Variants in CPEB3 observed in about 807,000 individuals in gnomAD.
The protein encoded by CPEB3 is cytoplasmic polyadenylation element-binding protein 3.
A neutral mutation model predicts 67.2 loss-of-function variants in CPEB3; 20 were observed. That is an observed-to-expected ratio of 0.30 (90% CI 0.21 to 0.43). The LOEUF is 0.43. Ranked by LOEUF, CPEB3 falls within the 20% of genes least tolerant of loss-of-function variation. The probability of loss-of-function intolerance (pLI) is 1.00; values close to 1 mark genes in which losing one functional copy is unlikely to be tolerated. For synonymous variants in CPEB3, 376 were observed against 393.1 expected, an observed-to-expected ratio of 0.96 and a Z score of 0.51; for missense variants, 746 against 968.6, an observed-to-expected ratio of 0.77 and a Z score of 3.05.
intron 9 of CPEB3, among the ~76,000 whole-genome samples, chr10:92,053,548 T>TC (rs1162933735): frequency 1.4e-5 from 2 of 146,230 alleles, no homozygotes; most frequent in Non-Finnish European, 3.0e-5. Context: ...CTTTTTCTTT[T>TC]TTTTTTTTTT....
At chr10:92,195,046 A>AACACACACACAC (rs371911549) in intron 2 of CPEB3, among the ~76,000 whole-genome samples, 29 of 117,152 alleles carry the variant, frequency 2.5e-4, no homozygotes, top group East Asian at 1.4e-3. Context: ...TGTCTCAAAA[A>AACACACACACAC]ACACACACAC....
intron 6 of CPEB3, among the ~76,000 whole-genome samples, chr10:92,127,916 C>T (rs1288025022): frequency 2.2e-5 from 3 of 135,564 alleles, no homozygotes; most frequent in African/African-American, 1.2e-4. Context: ...CCAATGTGGC[C>T]CCTGGGTTCT....
chr10:92,276,099 C>T (rs1188295582), intron 1 of CPEB3, among the ~76,000 whole-genome samples: 1 of 151,602 alleles, frequency 6.6e-6, no homozygotes, highest in Non-Finnish European at 1.5e-5. Context: ...CCACCCGCCT[C>T]GACCTCCCAA....
intron 8 of CPEB3, among the ~76,000 whole-genome samples, chr10:92,085,592 C>T (rs1201927855): frequency 6.6e-6 from 1 of 152,042 alleles, no homozygotes; most frequent in Non-Finnish European, 1.5e-5. Flanking sequence ...TGGATTTGCT[C>T]CTGATTCTTT....
At chr10:92,240,859 T>TAAAAA (rs984550948) in intron 1 of CPEB3, among the ~76,000 whole-genome samples, 9 of 125,666 alleles carry the variant, frequency 7.2e-5, no homozygotes, top group South Asian at 2.2e-4. Context: ...GAACACTTTT[T>TAAAAA]AAAAAAACAA....
chr10:92,091,675 C>T (rs574810361), intron 8 of CPEB3, among the ~76,000 whole-genome samples, 155 bp downstream of exon 8: 1 of 152,222 alleles, frequency 6.6e-6, no homozygotes, highest in East Asian at 1.9e-4. Context: ...GGGAGAAAAC[C>T]TTTAATCCTG....
At chr10:92,175,992 G>A (rs1233458663) in intron 4 of CPEB3, among the ~76,000 whole-genome samples, 1 of 152,182 alleles carries the variant, frequency 6.6e-6, no homozygotes, top group Admixed American at 6.5e-5. Flanking sequence ...TCGGGAGGCA[G>A]ATTCAGGAGA....
In CPEB3 at chr10:92,192,599, G is replaced by C; in HGVS notation, c.1043C>G (p.Ser348Trp). 1 of 1,612,702 alleles carries C rather than the reference G, an allele frequency of 6.2e-7. No homozygotes were observed. The highest frequency in any genetic ancestry group is 8.5e-7 in the Non-Finnish European group (1 of 1,179,310). The change falls in exon 3 of 10, where the codon TCG (serine) becomes TGG (tryptophan). Residue 348 changes from serine to tryptophan, a missense_variant. This residue lies in a region of CPEB3 where 643 missense variants were observed against 717.5 expected (regional missense o/e 0.90). Transcript: ENST00000265997. ...SRPYDTFNLH[S>W]LENSLMDMIR... ...CATATCCATTAAGGAGTTCTCCAAC[G>C]AGTGCAAGTTAAAAGTATCATAGGG...
intron 1 of CPEB3, among the ~76,000 whole-genome samples, chr10:92,287,787 T>G (rs1309636368): frequency 6.6e-6 from 1 of 152,172 alleles, no homozygotes; most frequent in Non-Finnish European, 1.5e-5. Context: ...GTGATATAAT[T>G]CACAAAATTA....
chr10:92,285,402 C>G (rs1334216080), intron 1 of CPEB3, among the ~76,000 whole-genome samples: 1 of 152,192 alleles, frequency 6.6e-6, no homozygotes, highest in African/African-American at 2.4e-5. Context: ...TCCCGAGTAG[C>G]TGGGATTATA....
chr10:92,253,473 A>C (rs576485131), intron 1 of CPEB3, among the ~76,000 whole-genome samples: 2 of 150,890 alleles, frequency 1.3e-5, no homozygotes, highest in South Asian at 4.1e-4. Context: ...CAAAAAAAAA[A>C]AAAAAAAAAA....
chr10:92,239,658 G>A lies in CPEB3; in HGVS notation c.693C>T (p.Ala231=), dbSNP rs1851723936. Residue 231 remains alanine, a synonymous_variant, in exon 2 of 10, where the codon GCC becomes GCT. Transcript: ENST00000265997. This position sits in a 1 kb window ranked among gnomAD's most constrained non-coding sequence, Gnocchi z 6.0. The part of the protein sequence containing the change: ...SSSSAVAAAA[A]AAAASSASSS... The stretch of plus-strand genomic sequence containing the variant: ...ACGAGGCCGACGAGGCGGCGGCTGC[G>A]GCAGCAGCGGCTGCAACCGCCGAAG... 2 of 1,560,464 alleles carry A rather than the reference G, an allele frequency of 1.3e-6. No individual in the cohort carries two copies. Among genetic ancestry groups the A allele is most frequent in the Non-Finnish European group, 1.7e-6 (2 of 1,154,182 alleles).
intron 2 of CPEB3, among the ~76,000 whole-genome samples, chr10:92,225,024 G>T (rs1244139177): frequency 1.3e-5 from 2 of 149,682 alleles, no homozygotes; most frequent in African/African-American, 4.9e-5. Context: ...CGCCAGGCTG[G>T]AATGCAATGA....
In CPEB3 at chr10:92,059,366, C is replaced by T. The variant is rs960130083; in HGVS notation, c.1870-6927G>A. ...AAAAAGCAAATACAAGGAAATTAAG[C>T]AACATGCTCCTGAATGACCAGTGGG... is the stretch of plus-strand genomic sequence containing the variant. On this transcript the variant is annotated intron_variant, in intron 9 of 9. Transcript: ENST00000265997. Among the ~76,000 whole-genome samples the T allele has an allele frequency of 8.6e-5, 11 of 127,694 alleles. No homozygotes were observed. In the East Asian group the frequency reaches 2.5e-3, roughly 29 times the overall value. 83.8% of individuals were successfully genotyped at this position (127,694 alleles called of 152,430 possible).
intron 2 of CPEB3, among the ~76,000 whole-genome samples, chr10:92,219,808 T>G (rs961971949): frequency 6.6e-6 from 1 of 152,172 alleles, no homozygotes; most frequent in Non-Finnish European, 1.5e-5. Context: ...TTTATTACCT[T>G]CTGATGAGCT....
At chr10:92,146,461 G>A (rs923083164) in intron 4 of CPEB3, among the ~76,000 whole-genome samples, 39 of 151,302 alleles carry the variant, frequency 2.6e-4, no homozygotes, top group Non-Finnish European at 1.3e-4. Flanking sequence ...AAAAAGAGCA[G>A]TGTCTTCCCC....
At chr10:92,193,779 T>TA (rs1849096983) in intron 2 of CPEB3, among the ~76,000 whole-genome samples, 1 of 151,936 alleles carries the variant, frequency 6.6e-6, no homozygotes, top group Admixed American at 6.6e-5. Flanking sequence ...ATGTATTGGA[T>TA]ATCTTTAACA....
At chr10:92,084,707 G>A (rs1843301483) in intron 8 of CPEB3, among the ~76,000 whole-genome samples, 1 of 152,086 alleles carries the variant, frequency 6.6e-6, no homozygotes, top group Admixed American at 6.5e-5. Flanking sequence ...AGCCTCCCGA[G>A]CAGCTGGGAC....
At chr10:92,067,015 C>T (rs1178150184) in intron 9 of CPEB3, among the ~76,000 whole-genome samples, 1 of 151,424 alleles carries the variant, frequency 6.6e-6, no homozygotes, top group Non-Finnish European at 1.5e-5. Context: ...CGCCACTGCA[C>T]TCCAGCCTGG....
Sources: gnomAD v4.1 joint callset for allele counts (sites outside exome capture counted in the v4.1 genomes callset) on GRCh38, gnomAD v4.1.1 for gene constraint, gnomAD v4.1.1 regional missense constraint, Gnocchi (gnomAD v3.1) non-coding constraint, MANE v1.5 for transcripts, NCBI Gene and HGNC (gene_info 2026-07-23, HGNC 2026-07-21) for gene names.